FNDC3B: variants seen among roughly 807,000 people sequenced by gnomAD.
The protein encoded by FNDC3B is fibronectin type III domain containing 3B.
FNDC3B carries 12 observed loss-of-function variants against 151.5 expected under a neutral mutation model. That is an observed-to-expected ratio of 0.08 (90% CI 0.05 to 0.13). FNDC3B has a LOEUF of 0.13. Among genes scored for constraint, FNDC3B ranks in the 10% least tolerant of loss-of-function variants. The pLI is 1.00. For synonymous variants in FNDC3B, 528 were observed against 549.0 expected, an observed-to-expected ratio of 0.96 and a Z score of 0.54; for missense variants, 1,214 against 1,505.3, an observed-to-expected ratio of 0.81 and a Z score of 3.20.
intron 1 of FNDC3B, among the ~76,000 whole-genome samples, chr3:172,071,153 T>C (rs1165685718): frequency 2.0e-5 from 3 of 152,214 alleles, no homozygotes; most frequent in Non-Finnish European, 4.4e-5. Context: ...AGACACTTCA[T>C]AAACTTTAAA....
At chr3:172,308,232 A>G (rs953010651) in intron 10 of FNDC3B, among the ~76,000 whole-genome samples, 4 of 152,226 alleles carry the variant, frequency 2.6e-5, no homozygotes, top group Non-Finnish European at 4.4e-5. Context: ...CATGAAACAC[A>G]ATTCACTGGC....
chr3:172,149,484 TTTTC>T (rs1240776723), intron 3 of FNDC3B, among the ~76,000 whole-genome samples: 1 of 152,190 alleles, frequency 6.6e-6, no homozygotes. Context: ...CCCTTTTCTC[TTTTC>T]TTTCTTTAAT....
At chr3:172,143,802 T>C (rs1721757383) in intron 3 of FNDC3B, among the ~76,000 whole-genome samples, 1 of 151,918 alleles carries the variant, frequency 6.6e-6, no homozygotes, top group Non-Finnish European at 1.5e-5. Context: ...CCAGCTACTC[T>C]GGAGGCTGAG....
intron 6 of FNDC3B, among the ~76,000 whole-genome samples, chr3:172,253,202 A>C (rs556929882): frequency 6.6e-6 from 1 of 152,356 alleles, no homozygotes; most frequent in South Asian, 2.1e-4. Context: ...AGACACAAAG[A>C]AGCAGATAAA....
intron 11 of FNDC3B, among the ~76,000 whole-genome samples, chr3:172,321,301 T>A (rs1372387191): frequency 1.3e-5 from 2 of 152,250 alleles, no homozygotes; most frequent in African/African-American, 4.8e-5. Context: ...AAGTCTTATT[T>A]CAATCTAAAA....
chr3:172,165,004 A>G (rs1394910924), intron 3 of FNDC3B, among the ~76,000 whole-genome samples: 1 of 152,152 alleles, frequency 6.6e-6, no homozygotes, highest in Non-Finnish European at 1.5e-5. Context: ...TATCTTAGGA[A>G]TAGTTATGGT....
At chr3:172,252,326 A>T (rs1459673060) in intron 6 of FNDC3B, among the ~76,000 whole-genome samples, 1 of 152,230 alleles carries the variant, frequency 6.6e-6, no homozygotes, top group Middle Eastern at 3.4e-3. Flanking sequence ...GTGAGTTTAT[A>T]GATATAAATG....
chr3:172,149,772 A>T (rs1722111761), intron 3 of FNDC3B, among the ~76,000 whole-genome samples: 1 of 146,206 alleles, frequency 6.8e-6, no homozygotes, highest in Non-Finnish European at 1.5e-5. Context: ...TTGCTACTTT[A>T]AAAAAGCTTG....
chr3:172,228,229 C>T (rs767387199), intron 4 of FNDC3B, among the ~76,000 whole-genome samples: 36 of 152,080 alleles, frequency 2.4e-4, no homozygotes, highest in Non-Finnish European at 4.1e-4. Context: ...CAGGCTCTTC[C>T]AGCAGGGACA....
At chr3:172,217,092 T>C (rs1576806715) in intron 3 of FNDC3B, among the ~76,000 whole-genome samples, 1 of 6,800 alleles carries the variant, frequency 1.5e-4, no homozygotes, top group East Asian at 2.0e-3. Context: ...CTCTCCATAA[T>C]TAAGAACAGA....
At chr3:172,316,003 T>TTC (rs1731768994) in intron 11 of FNDC3B, among the ~76,000 whole-genome samples, 2 of 101,928 alleles carry the variant, frequency 2.0e-5, no homozygotes, top group Admixed American at 1.2e-4. Flanking sequence ...TCTTCTTCTT[T>TTC]TTTTTTTTTT....
intron 1 of FNDC3B, among the ~76,000 whole-genome samples, chr3:172,053,469 T>TA (rs1266945248): frequency 6.6e-6 from 1 of 152,082 alleles, no homozygotes; most frequent in Admixed American, 6.5e-5. Flanking sequence ...ACCTGTCTAT[T>TA]GTCTAGAAAA....
chr3:172,316,405 G>A (rs1731790462), intron 11 of FNDC3B: 1 of 455,408 alleles, frequency 2.2e-6, no homozygotes, highest in Non-Finnish European at 4.4e-6. Flanking sequence ...CTAGGTTAGG[G>A]AAGGGCTTTT....
At chr3:172,144,922 C>T (rs1721822061) in intron 3 of FNDC3B, among the ~76,000 whole-genome samples, 1 of 151,862 alleles carries the variant, frequency 6.6e-6, no homozygotes. Flanking sequence ...TGGGGGTTTC[C>T]TTTATGATTC....
At chr3:172,299,543 T>A (rs887158157) in intron 9 of FNDC3B, among the ~76,000 whole-genome samples, 2 of 152,210 alleles carry the variant, frequency 1.3e-5, no homozygotes, top group Non-Finnish European at 2.9e-5. Context: ...TTTTTTTTAA[T>A]CTTTATTTTA....
Position 172,341,377 on chromosome 3 carries a change from T to C in FNDC3B, c.1971+146T>C, listed in dbSNP as rs1050772180. On this transcript the variant is annotated intron_variant, in intron 17 of 25. Transcript: ENST00000415807. ...ATGTCAGGAAATGAAAAATAGAGCT[T>C]TCTGAATTGCTGTTTAGAGGTATAA... is the stretch of plus-strand genomic sequence containing the variant. The C allele has an allele frequency of 5.7e-6, 4 of 696,666 alleles. No individual in the cohort carries two copies. The African/African-American group carries it at 7.0e-5, about 12-fold the overall frequency. The allele number at this position is 696,666 out of a possible 1,614,324, so 43.2% of individuals were successfully genotyped here.
chr3:172,106,647 ACT>A (rs148018851), intron 1 of FNDC3B, among the ~76,000 whole-genome samples: 1,642 of 151,494 alleles, frequency 0.011, 21 homozygotes, highest in African/African-American at 0.038. Context: ...AGACTTAAAA[ACT>A]CTCCCAGCAG....
At position 172,251,373 on chromosome 3, in the gene FNDC3B, A is replaced by G; in HGVS notation, c.622A>G (p.Ser208Gly). The change falls in exon 6 of 26, where the codon AGC (serine) becomes GGC (glycine). Residue 208 changes from serine to glycine, a missense_variant. Transcript: ENST00000415807. ...RQIDRQNRLN[S>G]PPSSIYKSSC... ...GATCGATCGCCAGAACCGCCTCAAC[A>G]GCCCTCCTTCTTCTATCTACAAAAG... The G allele has an allele frequency of 6.2e-7, 1 of 1,614,126 alleles. No individual in the cohort carries two copies. Among genetic ancestry groups the G allele is most frequent in the Non-Finnish European group, 8.5e-7 (1 of 1,180,012 alleles).
chr3:172,335,162 T>C, intron 15 of FNDC3B, 80 bp downstream of exon 15: 1 of 1,418,062 alleles, frequency 7.1e-7, no homozygotes, highest in Non-Finnish European at 9.3e-7. Context: ...ATTTTAGTAG[T>C]GACAAGCCAA....
Sources: gnomAD v4.1 joint callset for allele counts (sites outside exome capture counted in the v4.1 genomes callset) on GRCh38, gnomAD v4.1.1 for gene constraint, MANE v1.5 for transcripts, NCBI Gene and HGNC (gene_info 2026-07-23, HGNC 2026-07-21) for gene names.